Variants in VEGFC observed in about 807,000 individuals in gnomAD.
The protein encoded by VEGFC is vascular endothelial growth factor C.
Under a neutral mutation model 46.1 loss-of-function variants are expected in VEGFC, and 12 were observed. The observed-to-expected ratio is 0.26, with a 90% confidence interval of 0.17 to 0.42. VEGFC has a LOEUF of 0.42. VEGFC is among the 10% of genes least tolerant of loss of function. The pLI is 1.00. For missense variants in VEGFC, 488 were observed against 529.4 expected, an observed-to-expected ratio of 0.92 and a Z score of 0.77; for synonymous variants, 232 against 195.5, an observed-to-expected ratio of 1.19 and a Z score of -1.56.
intron 1 of VEGFC, among the ~76,000 whole-genome samples, chr4:176,766,044 C>T (rs1443997959): frequency 1.3e-5 from 2 of 151,884 alleles, no homozygotes; most frequent in Non-Finnish European, 2.9e-5. Flanking sequence ...AAACAAATAT[C>T]CTTTGCCATA....
At chr4:176,755,241 T>G (rs1398721300) in intron 1 of VEGFC, among the ~76,000 whole-genome samples, 3 of 152,078 alleles carry the variant, frequency 2.0e-5, no homozygotes, top group Non-Finnish European at 4.4e-5. Context: ...TCAACTGTTA[T>G]CATCTCCACT....
chr4:176,722,393 T>G (rs1370877090), intron 3 of VEGFC, among the ~76,000 whole-genome samples: 1 of 152,122 alleles, frequency 6.6e-6, no homozygotes, highest in Non-Finnish European at 1.5e-5. Context: ...GTTTAAGTAC[T>G]AAGTAGACTG....
intron 1 of VEGFC, among the ~76,000 whole-genome samples, chr4:176,734,464 A>G (rs995960119): frequency 4.0e-5 from 6 of 151,850 alleles, no homozygotes; most frequent in African/African-American, 1.4e-4. Context: ...CAGCAAACAG[A>G]CTACACTATC....
At chr4:176,785,577 A>G (rs2110952701) in intron 1 of VEGFC, among the ~76,000 whole-genome samples, 1 of 152,170 alleles carries the variant, frequency 6.6e-6, no homozygotes, top group Middle Eastern at 3.4e-3. Context: ...TTCTGGTCTC[A>G]TTTTTAGCAG....
intron 1 of VEGFC, among the ~76,000 whole-genome samples, chr4:176,777,210 A>G (rs890243162): frequency 2.6e-5 from 4 of 152,062 alleles, no homozygotes; most frequent in Non-Finnish European, 2.9e-5. Flanking sequence ...CCAGCTACTC[A>G]GGAGGCTGAG....
chr4:176,691,951 G>A (rs1013008302), intron 4 of VEGFC, among the ~76,000 whole-genome samples: 5 of 152,160 alleles, frequency 3.3e-5, no homozygotes, highest in East Asian at 1.9e-4. Context: ...CGCACCGTGC[G>A]CGAGCCGAAG....
intron 3 of VEGFC, among the ~76,000 whole-genome samples, chr4:176,716,523 G>A (rs1304746798): frequency 2.8e-5 from 4 of 140,390 alleles, no homozygotes; most frequent in Non-Finnish European, 6.0e-5. Context: ...GTTGCAGTGA[G>A]CCCAGATTGC....
At position 176,784,063 on chromosome 4, in the gene VEGFC, G is replaced by GTTTTTTGTTTTT. The variant is rs564146495; in HGVS notation, c.147+8101_147+8102insAAAAACAAAAAA. Among the ~76,000 whole-genome samples, 4 of 45,904 alleles carry GTTTTTTGTTTTT rather than the reference G, an allele frequency of 8.7e-5. 2 individuals are homozygous for GTTTTTTGTTTTT. Among genetic ancestry groups the GTTTTTTGTTTTT allele is most frequent in the Non-Finnish European group, 3.7e-4 (4 of 10,686 alleles). The allele number at this position is 45,904 out of a possible 152,430, so 30.1% of individuals were successfully genotyped here. ...AGGGCTTTATATGTATGCACATGCT[G>GTTTTTTGTTTTT]TTTTTTTTTTTTTTTTTTTGAAACA... On this transcript the variant is annotated intron_variant, in intron 1 of 6. Transcript: ENST00000618562.
chr4:176,752,791 T>C (rs1018797405), intron 1 of VEGFC, among the ~76,000 whole-genome samples: 1 of 152,040 alleles, frequency 6.6e-6, no homozygotes, highest in Non-Finnish European at 1.5e-5. Flanking sequence ...AGGGGGGCTA[T>C]AGGGAAAGAG....
intron 3 of VEGFC, among the ~76,000 whole-genome samples, chr4:176,718,328 A>G (rs76946157): frequency 0.033 from 4,987 of 152,240 alleles, 250 homozygotes; most frequent in African/African-American, 0.11. Context: ...AGACTGCTGC[A>G]GTATTCTGTT....
chr4:176,697,934 A>G (rs1270698959), intron 4 of VEGFC, among the ~76,000 whole-genome samples: 2 of 151,320 alleles, frequency 1.3e-5, no homozygotes, highest in East Asian at 2.0e-4. Context: ...GAATTGAACA[A>G]TGAGATCACA....
rs374511370 is a variant in VEGFC, at chr4:176,756,425, T to A, written c.148-26679A>T. Among the ~76,000 whole-genome samples the A allele has an allele frequency of 5.9e-5, 9 of 152,040 alleles. No homozygotes were observed. The South Asian group carries it at 1.9e-3, about 32-fold the overall frequency. On this transcript the variant is annotated intron_variant, in intron 1 of 6. Coordinates refer to ENST00000618562, the MANE Select transcript of VEGFC (RefSeq NM_005429.5). The stretch of plus-strand genomic sequence containing the variant: ...CATGATAGAAACTGGGTGGCTACTT[T>A]AGAACAGATAAGGAAGGGTAGATTC...
chr4:176,779,689 C>T (rs1205254335), intron 1 of VEGFC, among the ~76,000 whole-genome samples: 2 of 151,186 alleles, frequency 1.3e-5, no homozygotes, highest in African/African-American at 4.9e-5. Context: ...TTTCCTATTG[C>T]ACATAGGAAG....
rs1467608930 is a variant in VEGFC at position 176,683,561 on chromosome 4, T to G, written c.*365A>C. ...GCTTATAATACAATTTTCATTTTAT[T>G]TTAAACATATTTTGCATGATATAAA... On this transcript the variant is annotated 3_prime_UTR_variant, in exon 7 of 7. Transcript: ENST00000618562. 6.1e-6 allele frequency: 1 copy of G among 163,680 alleles called. No homozygotes were observed. Among genetic ancestry groups the G allele is most frequent in the Non-Finnish European group, 1.3e-5 (1 of 75,250 alleles). 10.1% of individuals were successfully genotyped at this position (163,680 alleles called of 1,614,324 possible).
intron 2 of VEGFC, 41 bp downstream of exon 2, chr4:176,729,492 G>A: frequency 1.3e-6 from 2 of 1,550,692 alleles, no homozygotes; most frequent in Non-Finnish European, 1.7e-6. Context: ...CTACTGGTTT[G>A]ATATATAAGG....
In VEGFC at chr4:176,702,809, A is replaced by G. The variant is rs115459654; in HGVS notation, c.704+8690T>C. Among the ~76,000 whole-genome samples the G allele has an allele frequency of 4.1e-3, 631 of 152,198 alleles. 3 individuals are homozygous for G. The highest frequency in any genetic ancestry group is 0.015 in the African/African-American group (607 of 41,548). Reference sequence around the variant, plus strand: ...CTGTAGTGTATATTGACTTCCCTATAGTACATCGTCACAGAATAAAAAAAA... The same window carrying G: ...CTGTAGTGTATATTGACTTCCCTATGGTACATCGTCACAGAATAAAAAAAA... On this transcript the variant is annotated intron_variant, in intron 4 of 6. Transcript: ENST00000618562.
chr4:176,781,369 A>G (rs1256599335), intron 1 of VEGFC, among the ~76,000 whole-genome samples: 4 of 152,188 alleles, frequency 2.6e-5, no homozygotes, highest in African/African-American at 9.7e-5. Flanking sequence ...CAAAACATAA[A>G]CTTGGAAGAG....
intron 1 of VEGFC, among the ~76,000 whole-genome samples, chr4:176,759,117 C>T (rs1359936466): frequency 1.3e-5 from 2 of 152,136 alleles, no homozygotes; most frequent in Non-Finnish European, 2.9e-5. Context: ...AAAAACTATA[C>T]TTTTTATTGA....
chr4:176,787,844 C>G (rs1736029280), intron 1 of VEGFC, among the ~76,000 whole-genome samples: 1 of 152,174 alleles, frequency 6.6e-6, no homozygotes, highest in South Asian at 2.1e-4. Flanking sequence ...CAGCATCTCT[C>G]CTTGTTTAAA....
Sources: allele counts gnomAD v4.1 joint callset (sites outside exome capture counted in the v4.1 genomes callset), GRCh38; gene constraint gnomAD v4.1.1; transcripts MANE v1.5; gene names NCBI Gene and HGNC (gene_info 2026-07-23, HGNC 2026-07-21).